The following LRP10 variants were observed in gnomAD, a reference collection of about 807,000 sequenced individuals.
LRP10 encodes the protein low-density lipoprotein receptor-related protein 10.
LRP10 carries 42 observed loss-of-function variants against 58.5 expected under a neutral mutation model. The observed-to-expected ratio is 0.72, with a 90% CI of 0.56 to 0.93. LRP10 has a LOEUF of 0.93. Among genes scored for constraint, LRP10 ranks in the 40% least tolerant of loss-of-function variants. The pLI, the probability that LRP10 is intolerant of heterozygous loss-of-function variation, is 0.00. For missense variants in LRP10, 872 were observed against 940.1 expected (o/e 0.93, Z 0.95); for synonymous variants, 377 against 388.5 (o/e 0.97, Z 0.35).
intron 5 of LRP10, 44 bp downstream of exon 5, chr14:22,876,416 G>A (rs1439658830): frequency 4.4e-6 from 7 of 1,599,800 alleles, no homozygotes; most frequent in Middle Eastern, 2.0e-4. Context: ...GACCCTGAGG[G>A]TGAGGCTGGG....
intron 2 of LRP10, 105 bp downstream of exon 2, chr14:22,872,887 G>C: frequency 8.4e-7 from 1 of 1,186,758 alleles, no homozygotes; most frequent in Non-Finnish European, 1.2e-6. Flanking sequence ...AAGTTTTAGA[G>C]GGGAGATAAT....
rs2040040756 is a variant in LRP10 at position 22,879,480 on chromosome 14, C to T, written c.*1953C>T. On this transcript the variant is annotated 3_prime_UTR_variant, in exon 7 of 7. Transcript: ENST00000359591. ...CCTCTCCATAGCCTGGTCTTTTGCC[C>T]TCTCCTTTGCTCTTCTCTTCCCCCA... 1 of 240,214 alleles carries T rather than the reference C, an allele frequency of 4.2e-6. No homozygotes were observed. The highest frequency in any genetic ancestry group is 2.2e-5 in the African/African-American group (1 of 45,568). 14.9% of individuals were successfully genotyped at this position (240,214 alleles called of 1,614,324 possible). A position where few individuals can be genotyped will look rare whatever the true frequency, so the allele number is the denominator to read the frequency against.
At position 22,872,043 on chromosome 14, in the gene LRP10, G is replaced by A. The variant is rs1363817124; in HGVS notation, c.-261G>A. 18 of 572,988 alleles carry A rather than the reference G, an allele frequency of 3.1e-5. No individual in the cohort carries two copies. The South Asian group carries it at 3.2e-4, about 10-fold the overall frequency. 35.5% of individuals were successfully genotyped at this position (572,988 alleles called of 1,614,324 possible). On this transcript the variant is annotated 5_prime_UTR_variant, in exon 1 of 7. Coordinates refer to ENST00000359591, the MANE Select transcript of LRP10 (RefSeq NM_014045.5). The stretch of plus-strand genomic sequence containing the variant: ...CCAGTGCCGAGACCCGGGGCTTCAG[G>A]AGCCGGCCCCGGGAGAGAAGAGTGC...
rs1436410522 is a variant in LRP10 at position 22,872,124 on chromosome 14, C to T, written c.-180C>T. 3 of 641,034 alleles carry T rather than the reference C, an allele frequency of 4.7e-6. No homozygotes were observed. Among genetic ancestry groups the T allele is most frequent in the African/African-American group, 1.9e-5 (1 of 54,020 alleles). The allele number at this position is 641,034 out of a possible 1,614,324, so 39.7% of individuals were successfully genotyped here. On this transcript the variant is annotated 5_prime_UTR_variant, in exon 1 of 7. Coordinates refer to ENST00000359591, the MANE Select transcript of LRP10 (RefSeq NM_014045.5). ...TGGCGAAAGGCACCGCCCCTACTCC[C>T]GGGCTGCCGCCGCCTCCCCGCCCCC...
rs748105411 is a variant in LRP10 at position 22,876,180 on chromosome 14, G to A, written c.1232G>A (p.Cys411Tyr). 1.2e-6 allele frequency: 2 copies of A among 1,614,234 alleles called. No homozygotes were observed. Among genetic ancestry groups the A allele is most frequent in the East Asian group, 2.2e-5 (1 of 44,888 alleles). Residue 411 changes from cysteine to tyrosine, a missense_variant, in exon 5 of 7, where the codon TGC becomes TAC. Coordinates refer to ENST00000359591, the MANE Select transcript of LRP10 (RefSeq NM_014045.5). ...PGNFRCRDEK[C>Y]VYETWVCDGQ... ...AATTTCCGATGCCGGGACGAGAAGT[G>A]CGTGTATGAGACGTGGGTGTGCGAT... is the stretch of plus-strand genomic sequence containing the variant.
At chr14:22,874,905 A>G in intron 3 of LRP10, 150 bp from the exon 4 acceptor site, 1 of 459,692 alleles carries the variant, frequency 2.2e-6, no homozygotes, top group Non-Finnish European at 3.8e-6. Context: ...ATAAATAAAT[A>G]GGCTAACTGA....
rs766252520 is a variant in LRP10 at position 22,875,737 on chromosome 14, T to A, written c.789T>A (p.Arg263=). The A allele has an allele frequency of 6.2e-7, 1 of 1,614,012 alleles. No homozygotes were observed. Among genetic ancestry groups the A allele is most frequent in the Non-Finnish European group, 8.5e-7 (1 of 1,179,878 alleles). Residue 263 remains arginine (R), a synonymous_variant, in exon 5 of 7, where the codon CGT becomes CGA. Transcript: ENST00000359591. Reference sequence around the variant, plus strand: ...CCCCTGAGAGCTCCCGACTACTGCGTAGTCTCACCCACTTCAGCAATGGCA... The same window carrying A: ...CCCCTGAGAGCTCCCGACTACTGCGAAGTCTCACCCACTTCAGCAATGGCA... The part of the protein sequence containing the change: ...PGPPESSRLL[R]SLTHFSNGKA...
chr14:22,881,577 GTTATT>G lies in LRP10; in HGVS notation c.*4053_*4057del, dbSNP rs1230326563. On this transcript the variant is annotated 3_prime_UTR_variant, in exon 7 of 7. Transcript: ENST00000359591. ...TAAAATGCATATGAGTGCTTTAAAT[GTTATT>G]TTGTGTGTGTGTGGTGTTGCCTCCC... The G allele has an allele frequency of 1.3e-5, 2 of 152,216 alleles. No homozygotes were observed. The highest frequency in any genetic ancestry group is 4.8e-5 in the African/African-American group (2 of 41,448). 9.4% of individuals were successfully genotyped at this position (152,216 alleles called of 1,614,324 possible). A position where few individuals can be genotyped will look rare whatever the true frequency, so the allele number is the denominator to read the frequency against.
rs767010697 is a variant in LRP10 at position 22,877,304 on chromosome 14, C to T, written c.1919C>T (p.Pro640Leu). ...APTTVPEAPG[P>L]LPSLPLEPSL... ...ACTACTGTCCCTGAAGCCCCAGGGC[C>T]ACTGCCCTCACTGCCCCTAGAGCCA... The change falls in exon 7 of 7, where the codon CCA (proline) becomes CTA (leucine). Residue 640 changes from proline (P) to leucine (L), a missense_variant. Physicochemically the swap from Pro to Leu is moderately conservative, Grantham distance 98. Transcript: ENST00000359591. This position sits in a 1 kb window ranked among gnomAD's most constrained non-coding sequence, Gnocchi z 5.1. 9.3e-6 allele frequency: 15 copies of T among 1,611,642 alleles called. No individual in the cohort carries two copies. The highest frequency in any genetic ancestry group is 1.3e-5 in the Non-Finnish European group (15 of 1,178,810).
Position 22,872,151 on chromosome 14 carries a change from G to C in LRP10, c.-153G>C. ...GGCTGCCGCCGCCTCCCCGCCCCCAGCCCTGGCATCCAGAGTACGGGTCGA... is the reference window on the plus strand; with the variant it reads ...GGCTGCCGCCGCCTCCCCGCCCCCACCCCTGGCATCCAGAGTACGGGTCGA... On this transcript the variant is annotated 5_prime_UTR_variant, in exon 1 of 7. Coordinates refer to ENST00000359591, the MANE Select transcript of LRP10 (RefSeq NM_014045.5). 2.7e-6 allele frequency: 2 copies of C among 742,102 alleles called. No individual in the cohort carries two copies. The highest frequency in any genetic ancestry group is 4.7e-6 in the Non-Finnish European group (2 of 429,288). 46.0% of individuals were successfully genotyped at this position (742,102 alleles called of 1,614,324 possible). A position where few individuals can be genotyped will look rare whatever the true frequency, so the allele number is the denominator to read the frequency against.
At chr14:22,875,021 G>T (rs1253446260) in intron 3 of LRP10, 34 bp from the exon 4 acceptor site, 9 of 1,436,102 alleles carry the variant, frequency 6.3e-6, no homozygotes, top group Non-Finnish European at 8.3e-6. Flanking sequence ...GCAGTCAAGA[G>T]TATCTCATGT....
In LRP10 at chr14:22,872,120, C is replaced by A; in HGVS notation, c.-184C>A. 1 of 635,334 alleles carries A rather than the reference C, an allele frequency of 1.6e-6. No homozygotes were observed. The highest frequency in any genetic ancestry group is 2.8e-6 in the Non-Finnish European group (1 of 356,548). 39.4% of individuals were successfully genotyped at this position (635,334 alleles called of 1,614,324 possible). A position where few individuals can be genotyped will look rare whatever the true frequency, so the allele number is the denominator to read the frequency against. On this transcript the variant is annotated 5_prime_UTR_variant, in exon 1 of 7. Transcript: ENST00000359591. Reference sequence around the variant, plus strand: ...AAGTTGGCGAAAGGCACCGCCCCTACTCCCGGGCTGCCGCCGCCTCCCCGC... The same window carrying A: ...AAGTTGGCGAAAGGCACCGCCCCTAATCCCGGGCTGCCGCCGCCTCCCCGC...
At position 22,876,359 on chromosome 14, in the gene LRP10, A is replaced by G. The variant is rs777597409; in HGVS notation, c.1411A>G (p.Thr471Ala). 9.4e-5 allele frequency: 152 copies of G among 1,613,554 alleles called. No individual in the cohort carries two copies. The highest frequency in any genetic ancestry group is 1.2e-4 in the Non-Finnish European group (147 of 1,179,876). The change falls in exon 5 of 7, where the codon ACC (threonine) becomes GCC (alanine). Residue 471 changes from threonine to alanine, a missense_variant. By Grantham distance (58) the Thr-to-Ala change is moderately conservative (BLOSUM62 0). Transcript: ENST00000359591. ...GCTCKLYAIRTQEYSIFAPLS... is the reference protein window; with the variant it reads ...GCTCKLYAIRAQEYSIFAPLS... ...CACCTGCAAGCTCTATGCCATTCGCACCCAGGAGTACAGGTCAGTGGGAGT... is the reference window on the plus strand; with the variant it reads ...CACCTGCAAGCTCTATGCCATTCGCGCCCAGGAGTACAGGTCAGTGGGAGT...
chr14:22,875,478 AC>A lies in LRP10; in HGVS notation c.534del (p.Phe179SerfsTer4). The A allele has an allele frequency of 6.2e-7, 1 of 1,613,822 alleles. No individual in the cohort carries two copies. The highest frequency in any genetic ancestry group is 2.2e-5 in the East Asian group (1 of 44,868). ...TCTGATGAAGCAGGTTGCAGCTCAG[AC>A]CCCTTCCCTGGCCTGACCCCAAGAC... ...DGSDEAGCSS[D>X]PFPGLTPRPV... On this transcript the variant is annotated frameshift_variant, in exon 5 of 7. Transcript: ENST00000359591. LOFTEE classifies it high-confidence loss of function.
At chr14:22,875,314 G>GT in intron 4 of LRP10, 41 bp from the exon 5 acceptor site, 1 of 1,591,572 alleles carries the variant, frequency 6.3e-7, no homozygotes, top group Non-Finnish European at 8.6e-7. Context: ...GATCCTGAGG[G>GT]TTCTGGTGCT....
At chr14:22,872,373 G>C (rs2039964195) in intron 1 of LRP10, 36 bp downstream of exon 1, 1 of 1,613,462 alleles carries the variant, frequency 6.2e-7, no homozygotes, top group African/African-American at 1.3e-5. Context: ...CCAGCCTTCT[G>C]TCACCGGGCC....
chr14:22,875,652 G>T lies in LRP10; in HGVS notation c.704G>T (p.Arg235Leu). 1 of 1,614,118 alleles carries T rather than the reference G, an allele frequency of 6.2e-7. No homozygotes were observed. Among genetic ancestry groups the T allele is most frequent in the Non-Finnish European group, 8.5e-7 (1 of 1,180,042 alleles). ...DPHDGRRLAV[R>L]FTALDLGFGD... is the part of the protein sequence containing the mutation. Reference sequence around the variant, plus strand: ...CATGATGGCCGGCGGCTGGCCGTGCGCTTCACAGCCCTGGACTTGGGCTTT... The same window carrying T: ...CATGATGGCCGGCGGCTGGCCGTGCTCTTCACAGCCCTGGACTTGGGCTTT... The change falls in exon 5 of 7, where the codon CGC becomes CTC. Residue 235 changes from arginine (R) to leucine (L), a missense_variant. By Grantham distance (102) the Arg-to-Leu change is moderately radical (BLOSUM62 -2). Transcript: ENST00000359591.
At position 22,875,215 on chromosome 14, in the gene LRP10, G is replaced by A; in HGVS notation, c.376G>A (p.Gly126Ser). 1 of 1,606,294 alleles carries A rather than the reference G, an allele frequency of 6.2e-7. No homozygotes were observed. The highest frequency in any genetic ancestry group is 1.3e-5 in the African/African-American group (1 of 74,906). The change falls in exon 4 of 7, where the codon GGC becomes AGC. Residue 126 changes from glycine (G) to serine (S), a missense_variant. Gly to Ser is a moderately conservative substitution (Grantham distance 56). Transcript: ENST00000359591. ...CTATGCTGGGGCCAGAGCACCCATG[G>A]GCCAGGGCTTCCTGCTCTCCTACAG... ...YSYAGARAPM[G>S]QGFLLSYSQD...
rs1252345440 is a variant in LRP10, at chr14:22,872,150, A to G, written c.-154A>G. On this transcript the variant is annotated 5_prime_UTR_variant, in exon 1 of 7. Transcript: ENST00000359591. ...GGGCTGCCGCCGCCTCCCCGCCCCC[A>G]GCCCTGGCATCCAGAGTACGGGTCG... 17 of 725,806 alleles carry G rather than the reference A, an allele frequency of 2.3e-5. No homozygotes were observed. Among genetic ancestry groups the G allele is most frequent in the Non-Finnish European group, 2.4e-6 (1 of 419,096 alleles). 45.0% of individuals were successfully genotyped at this position (725,806 alleles called of 1,614,324 possible).
Sources: gnomAD v4.1 joint callset for allele counts on GRCh38, gnomAD v4.1.1 for gene constraint, Gnocchi (gnomAD v3.1) non-coding constraint, MANE v1.5 for transcripts, NCBI Gene and HGNC (gene_info 2026-07-23, HGNC 2026-07-21) for gene names.